Variants in NAV2 observed in about 807,000 individuals in gnomAD.
The protein encoded by NAV2 is neuron navigator 2, also known as helicase, APC down-regulated 1.
A neutral mutation model predicts 223.2 loss-of-function variants in NAV2; 54 were observed. That is an observed-to-expected ratio of 0.24 (90% CI 0.19 to 0.30). The LOEUF is 0.30. Among genes scored for constraint, NAV2 ranks in the 10% least tolerant of loss-of-function variants. The pLI, the probability that NAV2 is intolerant of heterozygous loss-of-function variation, is 1.00. For missense variants in NAV2, 2,806 were observed against 3,147.5 expected, an observed-to-expected ratio of 0.89 and a Z score of 2.60; for synonymous variants, 1,279 against 1,239.3, an observed-to-expected ratio of 1.03 and a Z score of -0.67.
rs563298707 is a variant in NAV2 at position 19,998,419 on chromosome 11, G to A, written c.2768+14172G>A. Reference sequence around the variant, plus strand: ...ACCCACCAGGGCCTTCATGCGGTACGTTCTCCACCCAGAAGCTATTGTAAC... The same window carrying A: ...ACCCACCAGGGCCTTCATGCGGTACATTCTCCACCCAGAAGCTATTGTAAC... On this transcript the variant is annotated intron_variant, in intron 11 of 37. Transcript: ENST00000349880. This position sits in a 1 kb window ranked among gnomAD's most constrained non-coding sequence, Gnocchi z 5.0. Among the ~76,000 whole-genome samples, 28 of 152,222 alleles carry A rather than the reference G, an allele frequency of 1.8e-4. No homozygotes were observed. The highest frequency in any genetic ancestry group is 1.7e-3 in the South Asian group (8 of 4,810).
chr11:20,025,745 T>C (rs115502300), intron 11 of NAV2, among the ~76,000 whole-genome samples: 251 of 152,322 alleles, frequency 1.6e-3, no homozygotes, highest in African/African-American at 5.6e-3. Flanking sequence ...CTCAAATCAC[T>C]GGCCTTGCAC....
At chr11:19,456,938 A>G (rs185515841) in intron 1 of NAV2, among the ~76,000 whole-genome samples, 1 of 152,358 alleles carries the variant, frequency 6.6e-6, no homozygotes, top group Non-Finnish European at 1.5e-5. Flanking sequence ...CTGTGGTGCC[A>G]TACTTGGACA....
intron 3 of NAV2, among the ~76,000 whole-genome samples, chr11:19,851,579 G>A (rs2061133454): frequency 6.6e-6 from 1 of 152,168 alleles, no homozygotes; most frequent in Non-Finnish European, 1.5e-5. Context: ...GTTGTGATGG[G>A]GGTATAAAAG....
At chr11:19,618,765 G>A (rs1186287969) in intron 1 of NAV2, among the ~76,000 whole-genome samples, 1 of 151,966 alleles carries the variant, frequency 6.6e-6, no homozygotes, top group African/African-American at 2.4e-5. Context: ...AGAACCATAG[G>A]AAATCTAAGA....
intron 4 of NAV2, among the ~76,000 whole-genome samples, chr11:19,873,919 G>C (rs1254096615): frequency 2.0e-5 from 3 of 152,168 alleles, no homozygotes; most frequent in African/African-American, 7.2e-5. Flanking sequence ...CCCAACTGCA[G>C]GGACAATGCT....
intron 1 of NAV2, among the ~76,000 whole-genome samples, chr11:19,715,729 T>C (rs922198425): frequency 1.3e-5 from 2 of 152,236 alleles, no homozygotes; most frequent in African/African-American, 2.4e-5. Context: ...TCTGAGGGGC[T>C]GGAACAGTCC....
intron 1 of NAV2, among the ~76,000 whole-genome samples, chr11:19,385,957 G>A (rs891908319): frequency 6.6e-6 from 1 of 151,834 alleles, no homozygotes; most frequent in African/African-American, 2.4e-5. Context: ...GTAGAGACGG[G>A]GTTTCACCGT....
intron 32 of NAV2, among the ~76,000 whole-genome samples, chr11:20,101,532 A>G (rs558406318): frequency 1.5e-3 from 234 of 152,368 alleles, no homozygotes; most frequent in African/African-American, 5.5e-3. Context: ...TAAAAATAAT[A>G]GAAGCCCACA....
intron 1 of NAV2, among the ~76,000 whole-genome samples, chr11:19,452,951 A>C (rs1009430660): frequency 6.6e-6 from 1 of 152,230 alleles, no homozygotes; most frequent in African/African-American, 2.4e-5. Flanking sequence ...TCCAATCCAC[A>C]ACAAACCTTT....
chr11:20,032,489 C>A (rs1287560708), intron 11 of NAV2, among the ~76,000 whole-genome samples: 2 of 152,230 alleles, frequency 1.3e-5, no homozygotes, highest in Non-Finnish European at 2.9e-5. Context: ...GCATCTGTTA[C>A]AACTGCTCTC....
intron 1 of NAV2, among the ~76,000 whole-genome samples, chr11:19,445,815 G>A (rs1376520315): frequency 1.3e-5 from 2 of 149,688 alleles, no homozygotes; most frequent in African/African-American, 4.9e-5. Flanking sequence ...CATGTGCCAG[G>A]TACCATATTA....
chr11:19,656,460 G>T (rs1422897773), intron 1 of NAV2, among the ~76,000 whole-genome samples: 3 of 152,206 alleles, frequency 2.0e-5, no homozygotes, highest in African/African-American at 7.2e-5. Flanking sequence ...CCGTGAGTGA[G>T]GGGGGAGAGG....
At chr11:19,868,201 G>A (rs566536498) in intron 3 of NAV2, among the ~76,000 whole-genome samples, 1 of 152,262 alleles carries the variant, frequency 6.6e-6, no homozygotes, top group Non-Finnish European at 1.5e-5. Context: ...TATGGTACCC[G>A]TTGACATTAA....
At chr11:19,884,944 G>A (rs567570235) in intron 5 of NAV2, among the ~76,000 whole-genome samples, 16 of 152,222 alleles carry the variant, frequency 1.1e-4, no homozygotes, top group East Asian at 7.7e-4. Flanking sequence ...CATGGAGACC[G>A]CCTCAGTTCC....
At chr11:20,047,559 A>T (rs1451097105) in intron 14 of NAV2, among the ~76,000 whole-genome samples, 1 of 152,216 alleles carries the variant, frequency 6.6e-6, no homozygotes, top group Non-Finnish European at 1.5e-5. Flanking sequence ...TTGGCAATGG[A>T]ACAAGTTACC....
At chr11:19,597,558 T>C (rs1590641586) in intron 1 of NAV2, among the ~76,000 whole-genome samples, 1 of 152,240 alleles carries the variant, frequency 6.6e-6, no homozygotes, top group South Asian at 2.1e-4. Flanking sequence ...ATGAGGAGAA[T>C]AGCCATGTGG....
upstream of NAV2, among the ~76,000 whole-genome samples, chr11:19,346,358 G>T (rs899986452): frequency 6.6e-6 from 1 of 152,192 alleles, no homozygotes; most frequent in South Asian, 2.1e-4. Context: ...GATCGGATCC[G>T]AGCCAAGCCG....
At chr11:19,999,410 C>T (rs969929992) in intron 11 of NAV2, among the ~76,000 whole-genome samples, 1 of 152,178 alleles carries the variant, frequency 6.6e-6, no homozygotes, top group Non-Finnish European at 1.5e-5. Context: ...CTCTTGTCAC[C>T]CAGGCTGGAG....
At chr11:19,743,832 A>G (rs1268169070) in intron 1 of NAV2, among the ~76,000 whole-genome samples, 1 of 152,042 alleles carries the variant, frequency 6.6e-6, no homozygotes, top group South Asian at 2.1e-4. Context: ...GGTCCAGCCC[A>G]AAGAGCCTGG....
Sources: gnomAD v4.1 joint callset for allele counts (sites outside exome capture counted in the v4.1 genomes callset) on GRCh38, gnomAD v4.1.1 for gene constraint, Gnocchi (gnomAD v3.1) non-coding constraint, MANE v1.5 for transcripts, NCBI Gene and HGNC (gene_info 2026-07-23, HGNC 2026-07-21) for gene names.